Variants in MGAT4C observed in about 807,000 individuals in gnomAD.
MGAT4C encodes MGAT4 family member C.
In MGAT4C, 19 loss-of-function variants were observed where a neutral mutation model predicts 40.1. That is an observed-to-expected ratio of 0.47 (90% CI 0.33 to 0.70). MGAT4C has a LOEUF of 0.70. MGAT4C is among the 30% of genes least tolerant of loss of function. MGAT4C has a pLI of 0.02. For synonymous variants in MGAT4C, 181 were observed against 187.1 expected (o/e 0.97, Z 0.27); for missense variants, 491 against 563.2 (o/e 0.87, Z 1.30).
At chr12:86,596,155 A>G (rs900302357) in intron 2 of MGAT4C, among the ~76,000 whole-genome samples, 3 of 151,916 alleles carry the variant, frequency 2.0e-5, no homozygotes, top group Non-Finnish European at 4.4e-5. Flanking sequence ...ACATTTATTA[A>G]CTTTTTTATG....
intron 1 of MGAT4C, among the ~76,000 whole-genome samples, chr12:86,164,603 T>C (rs941537112): frequency 6.6e-6 from 1 of 152,106 alleles, no homozygotes; most frequent in Non-Finnish European, 1.5e-5. Context: ...TGAGCACATG[T>C]TAGGGATGGT....
chr12:86,067,852 T>C (rs189035092), intron 1 of MGAT4C, among the ~76,000 whole-genome samples: 5 of 152,264 alleles, frequency 3.3e-5, no homozygotes, highest in Non-Finnish European at 7.4e-5. Context: ...CTGTTGATGA[T>C]CAGATGCCAA....
chr12:86,486,505 T>C (rs1323384328), intron 2 of MGAT4C, among the ~76,000 whole-genome samples: 1 of 151,194 alleles, frequency 6.6e-6, no homozygotes, highest in African/African-American at 2.4e-5. Context: ...GGGATAAAGG[T>C]TCAATTTAAT....
intron 2 of MGAT4C, among the ~76,000 whole-genome samples, chr12:86,462,790 C>A (rs886803462): frequency 1.3e-5 from 2 of 152,076 alleles, no homozygotes; most frequent in African/African-American, 2.4e-5. Context: ...AAGATGAGAC[C>A]GGAAGACTCA....
At chr12:86,034,211 T>C (rs1027123182) in intron 2 of MGAT4C, among the ~76,000 whole-genome samples, 3 of 149,756 alleles carry the variant, frequency 2.0e-5, no homozygotes, top group African/African-American at 7.3e-5. Context: ...GCATGAAGTT[T>C]TCTGTTTTCA....
In MGAT4C at chr12:85,969,829, T is replaced by C. The variant is rs1592577231; in HGVS notation, c.*9460A>G. 6.6e-6 allele frequency: 1 copy of C among 151,416 alleles called. No individual in the cohort carries two copies. Among genetic ancestry groups the C allele is most frequent in the Admixed American group, 6.6e-5 (1 of 15,160 alleles). The allele number at this position is 151,416 out of a possible 1,614,324, so 9.4% of individuals were successfully genotyped here. Reference sequence around the variant, plus strand: ...CCTTGGACAAGTTAGTAAAACCCTATTTTTCATATGCTCTTTAGCTTTTTT... The same window carrying C: ...CCTTGGACAAGTTAGTAAAACCCTACTTTTCATATGCTCTTTAGCTTTTTT... On this transcript the variant is annotated 3_prime_UTR_variant, in exon 5 of 5. Coordinates refer to ENST00000611864, the MANE Select transcript of MGAT4C (RefSeq NM_001351288.2).
intron 2 of MGAT4C, among the ~76,000 whole-genome samples, chr12:86,006,300 G>A (rs1887867720): frequency 6.6e-6 from 1 of 152,058 alleles, no homozygotes; most frequent in Admixed American, 6.6e-5. Context: ...CTTCTTGAAT[G>A]GCGGCCCTGT....
chr12:86,339,430 G>T (rs1954861791), intron 3 of MGAT4C, among the ~76,000 whole-genome samples: 1 of 152,162 alleles, frequency 6.6e-6, no homozygotes, highest in Non-Finnish European at 1.5e-5. Context: ...TGATATTTCA[G>T]ATAGATTTTA....
At chr12:86,778,477 A>C (rs965461152) in intron 1 of MGAT4C, among the ~76,000 whole-genome samples, 2 of 152,188 alleles carry the variant, frequency 1.3e-5, no homozygotes, top group African/African-American at 2.4e-5. Flanking sequence ...TTAATTTAAC[A>C]ATCGTATAAG....
intron 1 of MGAT4C, among the ~76,000 whole-genome samples, chr12:86,233,776 CTA>C (rs956087339): frequency 4.6e-5 from 7 of 152,024 alleles, no homozygotes; most frequent in African/African-American, 1.2e-4. Context: ...GAATTATCCT[CTA>C]TGTTTCCTTG....
chr12:86,450,871 T>C (rs1417808516), intron 2 of MGAT4C, among the ~76,000 whole-genome samples: 1 of 152,218 alleles, frequency 6.6e-6, no homozygotes, highest in Non-Finnish European at 1.5e-5. Flanking sequence ...TGCACATGTA[T>C]ACATTTATGT....
chr12:86,734,535 G>A (rs544736073), intron 1 of MGAT4C, among the ~76,000 whole-genome samples: 4 of 152,132 alleles, frequency 2.6e-5, no homozygotes, highest in Non-Finnish European at 5.9e-5. Flanking sequence ...TAGAGCCTTT[G>A]ATAAGTGATT....
intron 2 of MGAT4C, among the ~76,000 whole-genome samples, chr12:86,019,781 C>A (rs1277488402): frequency 1.3e-5 from 2 of 152,074 alleles, no homozygotes; most frequent in South Asian, 2.1e-4. Flanking sequence ...TTACCTTGGG[C>A]AGTATGGCCA....
At chr12:86,819,878 TAATAAG>T (rs146989733) in intron 1 of MGAT4C, among the ~76,000 whole-genome samples, 47,244 of 149,896 alleles carry the variant, frequency 0.32, 9,174 homozygotes, top group Admixed American at 0.46. Flanking sequence ...GGGTAATGCT[TAATAAG>T]AATGAGTATT....
At chr12:86,171,168 G>A (rs1170201665) in intron 1 of MGAT4C, among the ~76,000 whole-genome samples, 8 of 152,090 alleles carry the variant, frequency 5.3e-5, no homozygotes, top group Admixed American at 1.3e-4. Flanking sequence ...TCAGGAGTTC[G>A]AGACTAGCCT....
intron 1 of MGAT4C, among the ~76,000 whole-genome samples, chr12:86,240,196 T>C (rs1592552609): frequency 3.4e-5 from 5 of 148,190 alleles, no homozygotes; most frequent in Admixed American, 3.3e-4. Context: ...ATATATATGA[T>C]ATATATCATA....
intron 1 of MGAT4C, among the ~76,000 whole-genome samples, chr12:86,109,575 T>C (rs1253207820): frequency 6.6e-6 from 1 of 152,078 alleles, no homozygotes; most frequent in African/African-American, 2.4e-5. Context: ...ATCATAATTA[T>C]CACTATTATT....
chr12:86,485,544 A>C (rs1367585223), intron 2 of MGAT4C, among the ~76,000 whole-genome samples: 1 of 152,188 alleles, frequency 6.6e-6, no homozygotes, highest in East Asian at 1.9e-4. Flanking sequence ...AAAGAAAAGA[A>C]ATTTAATGAA....
rs115786592 is a variant in MGAT4C, at chr12:86,304,088, T to G, written c.-57+29977A>C. Reference sequence around the variant, plus strand: ...ATTTCAGTACTGTTAGCAGTTTTTATTCCTTCTTGATGTTAAATTTCCATT... The same window carrying G: ...ATTTCAGTACTGTTAGCAGTTTTTAGTCCTTCTTGATGTTAAATTTCCATT... On this transcript the variant is annotated intron_variant, in intron 4 of 7. Transcript: ENST00000548651. 2.6e-3 allele frequency among the ~76,000 whole-genome samples: 396 copies of G among 150,888 alleles called. 41 individuals carry two copies. The highest frequency in any genetic ancestry group is 9.2e-3 in the African/African-American group (370 of 40,266).
Sources: allele counts gnomAD v4.1 joint callset (sites outside exome capture counted in the v4.1 genomes callset), GRCh38; gene constraint gnomAD v4.1.1; transcripts MANE v1.5; gene names NCBI Gene and HGNC (gene_info 2026-07-23, HGNC 2026-07-21).